The following CA8 variants were observed in gnomAD, a reference collection of about 807,000 sequenced individuals.
CA8 encodes carbonic anhydrase 8 (inactive).
A neutral mutation model predicts 41.4 loss-of-function variants in CA8; 22 were observed. The ratio of observed to expected loss-of-function variants is 0.53; its 90% CI spans 0.38 to 0.76. The LOEUF (loss-of-function observed/expected upper bound fraction) is 0.76, where lower values mean the gene tolerates loss of function less well. Among genes scored for constraint, CA8 ranks in the 30% least tolerant of loss-of-function variants. The probability of loss-of-function intolerance (pLI) is 0.00; values close to 1 mark genes in which losing one functional copy is unlikely to be tolerated. For missense variants in CA8, 270 were observed against 352.8 expected (o/e 0.77, Z 1.88); for synonymous variants, 121 against 130.6 (o/e 0.93, Z 0.50).
intron 8 of CA8, among the ~76,000 whole-genome samples, chr8:60,199,092 T>C (rs74459651): frequency 0.28 from 42,162 of 151,994 alleles, 6,071 homozygotes; most frequent in Middle Eastern, 0.41. Flanking sequence ...AATCTTGGAA[T>C]GCTTCAAATA....
intron 3 of CA8, among the ~76,000 whole-genome samples, chr8:60,234,594 G>A (rs1174879634): frequency 6.6e-6 from 1 of 152,140 alleles, no homozygotes; most frequent in East Asian, 1.9e-4. Flanking sequence ...TAAGAGAAAT[G>A]CTGGCACTTC....
chr8:60,208,661 TA>T lies in CA8; in HGVS notation c.*35+88del. On this transcript the variant is annotated intron_variant, in intron 8 of 8. Coordinates refer to ENST00000317995, the MANE Select transcript of CA8 (RefSeq NM_004056.6). Reference sequence around the variant, plus strand: ...GATGAAGTACATACGCTTTTATTACTAAATTACCAGGATCACAATAAGTGTA... The same window carrying T: ...GATGAAGTACATACGCTTTTATTACTAATTACCAGGATCACAATAAGTGTA... The T allele has an allele frequency of 2.6e-6, 3 of 1,154,464 alleles. No homozygotes were observed. In the South Asian group the frequency reaches 3.8e-5, roughly 15 times the overall value. 71.5% of individuals were successfully genotyped at this position (1,154,464 alleles called of 1,614,324 possible). A position where few individuals can be genotyped will look rare whatever the true frequency, so the allele number is the denominator to read the frequency against.
At chr8:60,219,943 A>AAAAAAAAAAAC (rs1563351188) in intron 7 of CA8, among the ~76,000 whole-genome samples, 12 of 141,488 alleles carry the variant, frequency 8.5e-5, no homozygotes, top group Non-Finnish European at 1.4e-4. Context: ...AAAAAAAAAA[A>AAAAAAAAAAAC]AAAAAAAAAA....
intron 5 of CA8, among the ~76,000 whole-genome samples, chr8:60,225,892 G>C (rs1411919093): frequency 6.6e-6 from 1 of 152,194 alleles, no homozygotes; most frequent in Non-Finnish European, 1.5e-5. Context: ...GCAAGGCCGA[G>C]GTGGGTGGAT....
At chr8:60,277,171 A>G (rs1804266102) in intron 2 of CA8, among the ~76,000 whole-genome samples, 1 of 27,552 alleles carries the variant, frequency 3.6e-5, no homozygotes, top group African/African-American at 1.6e-4. Flanking sequence ...AATAGTAGAG[A>G]GTTCATACAT....
At chr8:60,208,988 A>G (rs899337892) in intron 7 of CA8, 69 bp from the exon 8 acceptor site, 3 of 1,457,840 alleles carry the variant, frequency 2.1e-6, no homozygotes, top group Non-Finnish European at 2.9e-6. Context: ...AGTTTCATAA[A>G]TGACATGCAT....
chr8:60,278,517 T>C (rs1481539625), intron 2 of CA8, among the ~76,000 whole-genome samples: 2 of 152,228 alleles, frequency 1.3e-5, no homozygotes, highest in African/African-American at 2.4e-5. Context: ...TCAATAATTT[T>C]ACAATATCCT....
chr8:60,277,640 C>T (rs1043291576), intron 2 of CA8, among the ~76,000 whole-genome samples: 2 of 152,124 alleles, frequency 1.3e-5, no homozygotes, highest in African/African-American at 4.8e-5. Flanking sequence ...CACTTGTGAG[C>T]CATCACACCC....
chr8:60,258,929 A>G (rs993934377), intron 3 of CA8, among the ~76,000 whole-genome samples: 2 of 152,204 alleles, frequency 1.3e-5, no homozygotes, highest in Admixed American at 6.5e-5. Context: ...TCCATGGCCC[A>G]GGACTTCAGG....
chr8:60,279,437 A>T (rs1336167359), intron 2 of CA8, among the ~76,000 whole-genome samples: 1 of 152,218 alleles, frequency 6.6e-6, no homozygotes, highest in Admixed American at 6.5e-5. Flanking sequence ...AGGTGATCAA[A>T]CTAAGGTTTT....
chr8:60,246,532 A>G (rs112003805), intron 3 of CA8, among the ~76,000 whole-genome samples: 5 of 152,160 alleles, frequency 3.3e-5, no homozygotes, highest in African/African-American at 1.2e-4. Flanking sequence ...TCCTGGCCTC[A>G]AGTGATCCAC....
At chr8:60,191,664 C>G (rs891223027) in intron 8 of CA8, among the ~76,000 whole-genome samples, 2 of 152,026 alleles carry the variant, frequency 1.3e-5, no homozygotes, top group Admixed American at 6.6e-5. Flanking sequence ...AGGACCAGTG[C>G]GCTGCAGAAC....
At chr8:60,226,813 G>A (rs980685337) in intron 5 of CA8, 60 bp downstream of exon 5, 2 of 919,618 alleles carry the variant, frequency 2.2e-6, no homozygotes, top group African/African-American at 1.6e-5. Flanking sequence ...GAGCCCGCAG[G>A]TGGTCACAGG....
intron 8 of CA8, among the ~76,000 whole-genome samples, chr8:60,194,463 C>T (rs1806222150): frequency 1.3e-5 from 2 of 152,088 alleles, no homozygotes; most frequent in Admixed American, 1.3e-4. Flanking sequence ...GAGTAGGGGC[C>T]TTTCTGCCAG....
intron 3 of CA8, among the ~76,000 whole-genome samples, chr8:60,260,482 AG>A (rs1803696714): frequency 6.6e-6 from 1 of 152,212 alleles, no homozygotes; most frequent in African/African-American, 2.4e-5. Context: ...TTATATCATT[AG>A]GGGGTGCAAG....
At chr8:60,214,345 C>CAT (rs1334861704) in intron 7 of CA8, among the ~76,000 whole-genome samples, 1 of 152,178 alleles carries the variant, frequency 6.6e-6, no homozygotes, top group Non-Finnish European at 1.5e-5. Flanking sequence ...GAAGGACCCT[C>CAT]ATGGCCTAAA....
intron 8 of CA8, among the ~76,000 whole-genome samples, chr8:60,200,349 TCTA>T (rs1265188699): frequency 1.6e-4 from 25 of 152,228 alleles, no homozygotes; most frequent in Non-Finnish European, 1.6e-4. Context: ...GGAGATGGCT[TCTA>T]CCCCCAATAA....
At chr8:60,261,165 T>C (rs948523088) in intron 3 of CA8, among the ~76,000 whole-genome samples, 6 of 152,154 alleles carry the variant, frequency 3.9e-5, no homozygotes, top group African/African-American at 1.2e-4. Context: ...TATTACGAGA[T>C]AAAGTCTTCA....
intron 8 of CA8, among the ~76,000 whole-genome samples, chr8:60,207,696 T>C (rs56367279): frequency 0.03 from 4,544 of 152,318 alleles, 216 homozygotes; most frequent in African/African-American, 0.1. Flanking sequence ...GTTCCTATTC[T>C]AGTGTCCAAG....
Sources: gnomAD v4.1 joint callset for allele counts (sites outside exome capture counted in the v4.1 genomes callset) on GRCh38, gnomAD v4.1.1 for gene constraint, MANE v1.5 for transcripts, NCBI Gene and HGNC (gene_info 2026-07-23, HGNC 2026-07-21) for gene names.